Variants in LNPK observed in about 807,000 individuals in gnomAD.
LNPK encodes lunapark, ER junction formation factor.
LNPK carries 29 observed loss-of-function variants against 55.2 expected under a neutral mutation model. That is an observed-to-expected ratio of 0.53 (90% CI 0.39 to 0.72). The LOEUF (loss-of-function observed/expected upper bound fraction) is 0.72, where lower values mean the gene tolerates loss of function less well. Among genes scored for constraint, LNPK ranks in the 30% least tolerant of loss-of-function variants. The pLI, the probability that LNPK is intolerant of heterozygous loss-of-function variation, is 0.00. For missense variants in LNPK, 467 were observed against 494.8 expected (o/e 0.94, Z 0.53); for synonymous variants, 162 against 168.2 (o/e 0.96, Z 0.29).
intron 8 of LNPK, among the ~76,000 whole-genome samples, chr2:175,954,211 A>G (rs1415380000): frequency 6.6e-6 from 1 of 152,184 alleles, no homozygotes; most frequent in African/African-American, 2.4e-5. Flanking sequence ...TAGACACATG[A>G]TGTGGGAAAG....
chr2:175,967,164 A>AT (rs1397174290), intron 6 of LNPK, among the ~76,000 whole-genome samples: 4 of 152,114 alleles, frequency 2.6e-5, no homozygotes, highest in Admixed American at 6.6e-5. Flanking sequence ...TTTTTTTGCA[A>AT]TTTTTTATTT....
chr2:175,993,039 C>A (rs1687772481), intron 3 of LNPK, 143 bp downstream of exon 3: 1 of 535,506 alleles, frequency 1.9e-6, no homozygotes, highest in Non-Finnish European at 3.3e-6. Flanking sequence ...TTTTTGAGAT[C>A]ACATAATATT....
At chr2:175,992,878 A>C (rs1687766515) in intron 3 of LNPK, among the ~76,000 whole-genome samples, 1 of 152,166 alleles carries the variant, frequency 6.6e-6, no homozygotes, top group Non-Finnish European at 1.5e-5. Context: ...AAGCTGTGAA[A>C]ATTTTGTAGA....
At chr2:175,961,158 A>C (rs922197890) in intron 8 of LNPK, among the ~76,000 whole-genome samples, 2 of 152,220 alleles carry the variant, frequency 1.3e-5, no homozygotes, top group African/African-American at 4.8e-5. Context: ...TCCTTCTGAA[A>C]CTATTCCAAA....
chr2:175,967,570 CTTTCATTTT>C (rs1169871972), intron 6 of LNPK: 10 of 863,348 alleles, frequency 1.2e-5, no homozygotes, highest in Non-Finnish European at 1.4e-5. Flanking sequence ...TCTTTCATTT[CTTTCATTTT>C]GCATTAACTT....
chr2:175,941,561 G>C (rs926023215), intron 9 of LNPK, among the ~76,000 whole-genome samples: 4 of 151,508 alleles, frequency 2.6e-5, no homozygotes, highest in Non-Finnish European at 5.9e-5. Context: ...AGGAGGCCGA[G>C]GTGGGCAGAT....
intron 2 of LNPK, 45 bp downstream of exon 2, chr2:175,995,511 ACT>A (rs1687888982): frequency 6.8e-7 from 1 of 1,475,050 alleles, no homozygotes; most frequent in African/African-American, 1.4e-5. Flanking sequence ...TTTATGTGAC[ACT>A]TTTATATTAG....
intron 4 of LNPK, among the ~76,000 whole-genome samples, chr2:175,988,835 G>GT (rs1198423871): frequency 6.6e-6 from 1 of 152,080 alleles, no homozygotes; most frequent in Admixed American, 6.5e-5. Context: ...GTGCAGTGGC[G>GT]TGACCTCGGC....
rs1298501812 is a variant in LNPK at position 175,924,188 on chromosome 2, A to C, written c.*5779T>G. ...CTAGATCTCTGCTACAATTTTCACA[A>C]TTAATTGAAGTTATACCAGATAGTA... On this transcript the variant is annotated 3_prime_UTR_variant, in exon 13 of 13. Coordinates refer to ENST00000272748, the MANE Select transcript of LNPK (RefSeq NM_030650.3). The C allele has an allele frequency of 6.6e-6, 1 of 152,174 alleles. No homozygotes were observed. Among genetic ancestry groups the C allele is most frequent in the Non-Finnish European group, 1.5e-5 (1 of 68,016 alleles). 9.4% of individuals were successfully genotyped at this position (152,174 alleles called of 1,614,324 possible).
intron 4 of LNPK, among the ~76,000 whole-genome samples, chr2:175,991,400 T>C (rs1687694673): frequency 6.6e-6 from 1 of 152,192 alleles, no homozygotes; most frequent in Non-Finnish European, 1.5e-5. Flanking sequence ...ATGAAAGCAC[T>C]CAATTTCAGC....
intron 11 of LNPK, 82 bp downstream of exon 11, chr2:175,938,230 TA>T: frequency 1.2e-6 from 1 of 830,532 alleles, no homozygotes; most frequent in Non-Finnish European, 2.0e-6. Context: ...GTATATAAAA[TA>T]AAATGACACT....
intron 12 of LNPK, 41 bp from the exon 13 acceptor site, chr2:175,930,240 GT>G (rs1559020365): frequency 9.2e-6 from 14 of 1,516,846 alleles, no homozygotes; most frequent in Non-Finnish European, 1.2e-5. Flanking sequence ...ATACCTGAAC[GT>G]TAAAACTGCT....
At chr2:175,975,097 G>T (rs1334293910) in intron 5 of LNPK, among the ~76,000 whole-genome samples, 1 of 149,482 alleles carries the variant, frequency 6.7e-6, no homozygotes, top group African/African-American at 2.5e-5. Flanking sequence ...TCCACCATCT[G>T]CTATATTACT....
intron 9 of LNPK, among the ~76,000 whole-genome samples, chr2:175,940,289 C>T (rs1574815723): frequency 6.6e-6 from 1 of 151,444 alleles, no homozygotes; most frequent in East Asian, 2.0e-4. Flanking sequence ...CTGAGAAGGC[C>T]AAGGCATATT....
chr2:175,932,762 C>CT (rs1684340375), intron 12 of LNPK, among the ~76,000 whole-genome samples: 1 of 152,100 alleles, frequency 6.6e-6, no homozygotes, highest in Admixed American at 6.5e-5. Flanking sequence ...TACAAACATA[C>CT]TTTTTTCATT....
intron 8 of LNPK, among the ~76,000 whole-genome samples, chr2:175,950,521 A>G (rs767241992): frequency 1.3e-5 from 2 of 152,170 alleles, no homozygotes; most frequent in Non-Finnish European, 2.9e-5. Flanking sequence ...ATGTACAATT[A>G]TATATCAATT....
At chr2:175,996,640 T>C (rs1687948421) in intron 1 of LNPK, among the ~76,000 whole-genome samples, 1 of 152,184 alleles carries the variant, frequency 6.6e-6, no homozygotes, top group South Asian at 2.1e-4. Flanking sequence ...TAGAGTCCCT[T>C]TATCTTCAGA....
rs1031383792 is a variant in LNPK at position 175,926,506 on chromosome 2, G to A, written c.*3461C>T. 5.3e-5 allele frequency: 8 copies of A among 152,142 alleles called. No homozygotes were observed. Among genetic ancestry groups the A allele is most frequent in the African/African-American group, 1.9e-4 (8 of 41,426 alleles). 9.4% of individuals were successfully genotyped at this position (152,142 alleles called of 1,614,324 possible). On this transcript the variant is annotated 3_prime_UTR_variant, in exon 13 of 13. Transcript: ENST00000272748. ...AGCCAAATAAATTTTTGTTCATCAC[G>A]TTACCCAGTCTGTGGTATTCTGTTA...
At chr2:175,979,045 C>T (rs1354808001) in intron 5 of LNPK, among the ~76,000 whole-genome samples, 1 of 151,910 alleles carries the variant, frequency 6.6e-6, no homozygotes, top group South Asian at 2.1e-4. Flanking sequence ...GCAAATGATA[C>T]TTATGAGATA....
Sources: allele counts gnomAD v4.1 joint callset (sites outside exome capture counted in the v4.1 genomes callset), GRCh38; gene constraint gnomAD v4.1.1; transcripts MANE v1.5; gene names NCBI Gene and HGNC (gene_info 2026-07-23, HGNC 2026-07-21).